GALNT13: variants seen among roughly 807,000 people sequenced by gnomAD.
The protein encoded by GALNT13 is UDP-GalNAc:polypeptide N-acetylgalactosaminyltransferase 13.
GALNT13 carries 28 observed loss-of-function variants against 64.2 expected under a neutral mutation model. The ratio of observed to expected loss-of-function variants is 0.44; its 90% CI spans 0.32 to 0.60. The LOEUF (loss-of-function observed/expected upper bound fraction) is 0.60, where lower values mean the gene tolerates loss of function less well. Among genes scored for constraint, GALNT13 ranks in the 20% least tolerant of loss-of-function variants. GALNT13 has a pLI of 0.05. For synonymous variants in GALNT13, 214 were observed against 224.6 expected (o/e 0.95, Z 0.42); for missense variants, 577 against 669.8 (o/e 0.86, Z 1.53).
chr2:153,382,951 T>C, the GALNT13 span, among the ~76,000 whole-genome samples: 1 of 152,034 alleles, frequency 6.6e-6, no homozygotes, highest in African/African-American at 2.4e-5. Flanking sequence ...TTTAATCTTA[T>C]AAAAAGTATT....
At chr2:153,509,173 G>A in the GALNT13 span, among the ~76,000 whole-genome samples, 9 of 152,348 alleles carry the variant, frequency 5.9e-5, no homozygotes, top group African/African-American at 1.9e-4. Flanking sequence ...GCCAGGCAGC[G>A]GGAGCAGGTA....
At chr2:153,548,934 GAAAT>G in the GALNT13 span, among the ~76,000 whole-genome samples, 1 of 152,180 alleles carries the variant, frequency 6.6e-6, no homozygotes. Context: ...ATTATTCACA[GAAAT>G]AAAGTACTTA....
the GALNT13 span, among the ~76,000 whole-genome samples, chr2:153,595,807 A>G: frequency 2.6e-5 from 4 of 152,210 alleles, no homozygotes; most frequent in African/African-American, 9.6e-5. Flanking sequence ...TTTTCATTTA[A>G]GTCAGCCATA....
the GALNT13 span, among the ~76,000 whole-genome samples, chr2:153,627,599 A>T: frequency 6.6e-6 from 1 of 152,100 alleles, no homozygotes; most frequent in African/African-American, 2.4e-5. Context: ...TTGGTGCAAA[A>T]ATAATTGCAG....
chr2:154,258,947 C>T (rs1443527443), intron 7 of GALNT13, 74 bp from the exon 8 acceptor site: 18 of 730,580 alleles, frequency 2.5e-5, no homozygotes, highest in South Asian at 2.3e-4. Context: ...CTCAAAAATA[C>T]GTGCTACAGT....
chr2:154,291,701 C>T (rs1040306456), intron 8 of GALNT13, among the ~76,000 whole-genome samples: 1 of 152,218 alleles, frequency 6.6e-6, no homozygotes, highest in East Asian at 1.9e-4. Flanking sequence ...CCTGGCCAGA[C>T]CAGGGAGCTG....
chr2:154,116,422 A>G (rs1468942920), intron 3 of GALNT13, among the ~76,000 whole-genome samples: 1 of 151,874 alleles, frequency 6.6e-6, no homozygotes, highest in Non-Finnish European at 1.5e-5. Context: ...CTTTCTCTAT[A>G]GGAGGTAAGA....
At chr2:154,027,517 A>G (rs1698057305) in intron 3 of GALNT13, among the ~76,000 whole-genome samples, 4 of 152,200 alleles carry the variant, frequency 2.6e-5, no homozygotes, top group African/African-American at 9.6e-5. Context: ...CACTTCAGAC[A>G]TTAATCCATA....
intron 4 of GALNT13, among the ~76,000 whole-genome samples, chr2:154,217,688 G>A (rs1213360034): frequency 1.3e-5 from 2 of 152,046 alleles, no homozygotes; most frequent in African/African-American, 4.8e-5. Context: ...ATTATGCAAT[G>A]TTAAGATTAA....
intron 1 of GALNT13, among the ~76,000 whole-genome samples, chr2:153,899,526 G>C (rs1406540293): frequency 6.6e-6 from 1 of 151,964 alleles, no homozygotes; most frequent in African/African-American, 2.4e-5. Context: ...ACTATATTTA[G>C]TTTTCTCTGT....
At chr2:153,551,570 T>C in the GALNT13 span, among the ~76,000 whole-genome samples, 1 of 152,190 alleles carries the variant, frequency 6.6e-6, no homozygotes, top group Admixed American at 6.5e-5. Context: ...AAATTCTGAC[T>C]ATTTTAAAGC....
chr2:154,262,363 A>G (rs769789643), intron 8 of GALNT13, among the ~76,000 whole-genome samples: 1 of 152,166 alleles, frequency 6.6e-6, no homozygotes, highest in Non-Finnish European at 1.5e-5. Context: ...ATGCAAATAC[A>G]AGCTTCCTCC....
chr2:153,213,763 A>G, the GALNT13 span, among the ~76,000 whole-genome samples: 11 of 152,132 alleles, frequency 7.2e-5, no homozygotes, highest in African/African-American at 1.9e-4. Flanking sequence ...CACTATATCT[A>G]TCTTCATGGA....
the GALNT13 span, among the ~76,000 whole-genome samples, chr2:153,835,705 C>T: frequency 6.6e-6 from 1 of 151,970 alleles, no homozygotes; most frequent in Non-Finnish European, 1.5e-5. Flanking sequence ...ATCTACTTAT[C>T]ACATATATTT....
intron 4 of GALNT13, among the ~76,000 whole-genome samples, chr2:154,169,301 A>G (rs773502829): frequency 5.3e-5 from 8 of 152,326 alleles, no homozygotes; most frequent in Middle Eastern, 6.8e-3. Flanking sequence ...TCAAGTTGAT[A>G]CATAAAATTA....
chr2:153,442,960 C>T, the GALNT13 span, among the ~76,000 whole-genome samples: 2 of 152,164 alleles, frequency 1.3e-5, no homozygotes, highest in African/African-American at 4.8e-5. Context: ...AATTTCAAGC[C>T]AGTGGATCTT....
chr2:153,165,864 A>G, the GALNT13 span, among the ~76,000 whole-genome samples: 2 of 152,346 alleles, frequency 1.3e-5, no homozygotes, highest in African/African-American at 4.8e-5. Context: ...GGTTTTCATT[A>G]TTATCATGAC....
chr2:153,547,502 T>A, the GALNT13 span, among the ~76,000 whole-genome samples: 1 of 152,238 alleles, frequency 6.6e-6, no homozygotes, highest in Non-Finnish European at 1.5e-5. Context: ...TTATTCATTT[T>A]CATAAGCCAC....
the GALNT13 span, among the ~76,000 whole-genome samples, chr2:153,745,106 A>G: frequency 6.6e-6 from 1 of 152,170 alleles, no homozygotes; most frequent in African/African-American, 2.4e-5. Context: ...GGAAAGGAAC[A>G]CAGATTTTTG....
Sources: gnomAD v4.1 joint callset for allele counts (sites outside exome capture counted in the v4.1 genomes callset) on GRCh38, gnomAD v4.1.1 for gene constraint, MANE v1.5 for transcripts, NCBI Gene and HGNC (gene_info 2026-07-23, HGNC 2026-07-21) for gene names.